MAPK10: variants seen among roughly 807,000 people sequenced by gnomAD.
MAPK10 encodes JNK3 alpha protein kinase.
MAPK10 carries 25 observed loss-of-function variants against 59.3 expected under a neutral mutation model. The ratio of observed to expected loss-of-function variants is 0.42; its 90% CI spans 0.31 to 0.59. MAPK10 has a LOEUF of 0.59. Ranked by LOEUF, MAPK10 falls within the 20% of genes least tolerant of loss-of-function variation. The pLI, the probability that MAPK10 is intolerant of heterozygous loss-of-function variation, is 0.15. For missense variants in MAPK10, 351 were observed against 568.9 expected (o/e 0.62, Z 3.90); for synonymous variants, 190 against 200.5 (o/e 0.95, Z 0.44).
chr4:86,318,240 C>A (rs902871024), intron 2 of MAPK10, among the ~76,000 whole-genome samples: 7 of 152,050 alleles, frequency 4.6e-5, no homozygotes, highest in Non-Finnish European at 7.4e-5. Context: ...CTAACCTATT[C>A]AGGGTTGATT....
intron 2 of MAPK10, chr4:86,336,676 C>T (rs115669876): frequency 6.6e-6 from 1 of 152,158 alleles, no homozygotes; most frequent in Non-Finnish European, 1.5e-5. Context: ...TCAACATTCT[C>T]CTCGACCATA....
intron 2 of MAPK10, among the ~76,000 whole-genome samples, chr4:86,305,780 C>G (rs1397714234): frequency 6.7e-6 from 1 of 149,984 alleles, no homozygotes; most frequent in African/African-American, 2.5e-5. Context: ...GATCACACCA[C>G]TACACTACAG....
intron 1 of MAPK10, among the ~76,000 whole-genome samples, chr4:86,477,661 C>A (rs1416010271): frequency 6.6e-6 from 1 of 152,172 alleles, no homozygotes; most frequent in Non-Finnish European, 1.5e-5. Flanking sequence ...TATAAACTCT[C>A]CTTACAGTTC....
At chr4:86,058,921 A>T (rs2045178430) in intron 11 of MAPK10, among the ~76,000 whole-genome samples, 2 of 152,022 alleles carry the variant, frequency 1.3e-5, no homozygotes, top group Non-Finnish European at 2.9e-5. Context: ...GCTCTATTCC[A>T]TTCACTTCAT....
chr4:86,398,523 T>C (rs139741906), intron 1 of MAPK10, among the ~76,000 whole-genome samples: 2 of 152,320 alleles, frequency 1.3e-5, no homozygotes, highest in Non-Finnish European at 2.9e-5. Context: ...CCTGCCTCTC[T>C]TAAGGATGAA....
chr4:86,135,765 G>T (rs2061923956), intron 4 of MAPK10, among the ~76,000 whole-genome samples: 1 of 151,988 alleles, frequency 6.6e-6, no homozygotes, highest in Non-Finnish European at 1.5e-5. Context: ...CAAACAAAAG[G>T]CAAAGAAGTT....
chr4:86,205,780 C>T (rs2149340714), intron 2 of MAPK10, among the ~76,000 whole-genome samples: 1 of 151,946 alleles, frequency 6.6e-6, no homozygotes, highest in Admixed American at 6.6e-5. Context: ...GGTTAAAACA[C>T]ACACATATAT....
intron 2 of MAPK10, among the ~76,000 whole-genome samples, chr4:86,260,721 G>T (rs1310996376): frequency 6.6e-6 from 1 of 151,984 alleles, no homozygotes; most frequent in Non-Finnish European, 1.5e-5. Flanking sequence ...TAAAATTATA[G>T]GGAAGTCAGA....
chr4:86,348,045 C>T (rs1462669088), intron 2 of MAPK10, among the ~76,000 whole-genome samples: 1 of 152,182 alleles, frequency 6.6e-6, no homozygotes, highest in Non-Finnish European at 1.5e-5. Flanking sequence ...TTATTCATCT[C>T]ATTTGTAAGG....
intron 2 of MAPK10, among the ~76,000 whole-genome samples, chr4:86,264,722 G>C (rs997484851): frequency 1.3e-5 from 2 of 152,098 alleles, no homozygotes; most frequent in Non-Finnish European, 2.9e-5. Context: ...GAAACTGAAT[G>C]GTTGAGAAAG....
intron 2 of MAPK10, among the ~76,000 whole-genome samples, chr4:86,310,369 CAT>C (rs2095645491): frequency 6.6e-6 from 1 of 152,160 alleles, no homozygotes; most frequent in Non-Finnish European, 1.5e-5. Context: ...GTTCACAAGA[CAT>C]ATGTTAGTAA....
chr4:86,028,294 A>C (rs1407272332), intron 13 of MAPK10: 1 of 152,200 alleles, frequency 6.6e-6, no homozygotes, highest in Non-Finnish European at 1.5e-5. Context: ...ACTTGGGATA[A>C]AACTGAGTAT....
At chr4:86,584,018 T>C (rs551429191) in intron 1 of MAPK10, among the ~76,000 whole-genome samples, 1 of 152,300 alleles carries the variant, frequency 6.6e-6, no homozygotes, top group Admixed American at 6.5e-5. Flanking sequence ...AATGAATGTA[T>C]GAATGTGTGT....
chr4:86,137,398 C>A (rs1254295094), intron 4 of MAPK10, among the ~76,000 whole-genome samples: 1 of 141,928 alleles, frequency 7.0e-6, no homozygotes, highest in Non-Finnish European at 1.5e-5. Flanking sequence ...AACCACTCAA[C>A]TACATGGAAA....
At chr4:86,554,021 C>T (rs1760065465) in intron 1 of MAPK10, among the ~76,000 whole-genome samples, 1 of 151,880 alleles carries the variant, frequency 6.6e-6, no homozygotes, top group Admixed American at 6.6e-5. Flanking sequence ...GGATTACAGG[C>T]ACATTCCACC....
chr4:86,564,963 G>A (rs996222164), intron 1 of MAPK10, among the ~76,000 whole-genome samples: 5 of 152,120 alleles, frequency 3.3e-5, no homozygotes, highest in Non-Finnish European at 2.9e-5. Context: ...GGCATCTCGA[G>A]AACTTATCTA....
chr4:86,043,958 ATG>A (rs1182828759), intron 11 of MAPK10, among the ~76,000 whole-genome samples: 1 of 152,184 alleles, frequency 6.6e-6, no homozygotes, highest in Non-Finnish European at 1.5e-5. Flanking sequence ...ACTGAATACA[ATG>A]TCTGTGTTCT....
At chr4:86,352,805 T>C (rs1180419038) in intron 2 of MAPK10, among the ~76,000 whole-genome samples, 1 of 152,220 alleles carries the variant, frequency 6.6e-6, no homozygotes, top group African/African-American at 2.4e-5. Context: ...AATAAACTGA[T>C]TATGTCAATC....
intron 2 of MAPK10, among the ~76,000 whole-genome samples, chr4:86,211,861 G>A (rs1582907717): frequency 1.3e-5 from 2 of 152,250 alleles, no homozygotes; most frequent in East Asian, 3.9e-4. Flanking sequence ...CTGAAGTTAA[G>A]TTGGTATAAA....
Sources: gnomAD v4.1 joint callset for allele counts (sites outside exome capture counted in the v4.1 genomes callset) on GRCh38, gnomAD v4.1.1 for gene constraint, MANE v1.5 for transcripts, NCBI Gene and HGNC (gene_info 2026-07-23, HGNC 2026-07-21) for gene names.